Variants in UNC5D observed in about 807,000 individuals in gnomAD.
UNC5D encodes netrin receptor UNC5D.
A neutral mutation model predicts 105.4 loss-of-function variants in UNC5D; 39 were observed. The observed-to-expected ratio is 0.37, with a 90% CI of 0.29 to 0.48. UNC5D has a LOEUF of 0.48. UNC5D is among the 20% of genes least tolerant of loss of function. The probability of loss-of-function intolerance (pLI) is 0.98; values close to 1 mark genes in which losing one functional copy is unlikely to be tolerated. For missense variants in UNC5D, 991 were observed against 1,202.4 expected (o/e 0.82, Z 2.60); for synonymous variants, 452 against 450.4 (o/e 1.00, Z -0.04).
intron 1 of UNC5D, among the ~76,000 whole-genome samples, chr8:35,469,024 G>A (rs936777463): frequency 1.3e-5 from 2 of 152,138 alleles, no homozygotes; most frequent in Non-Finnish European, 2.9e-5. Context: ...GGTGGGAGTT[G>A]GAGAGGGTGG....
chr8:35,294,778 A>C (rs957283024), intron 1 of UNC5D, among the ~76,000 whole-genome samples: 1 of 151,438 alleles, frequency 6.6e-6, no homozygotes, highest in Admixed American at 6.6e-5. Context: ...TGGAGACCTC[A>C]ATCTACGGTA....
intron 1 of UNC5D, among the ~76,000 whole-genome samples, chr8:35,302,394 C>A (rs1397491555): frequency 6.6e-6 from 1 of 152,150 alleles, no homozygotes; most frequent in Non-Finnish European, 1.5e-5. Context: ...AACAAAATGA[C>A]CTTATCACCA....
At chr8:35,712,583 T>C (rs1747382132) in intron 8 of UNC5D, among the ~76,000 whole-genome samples, 1 of 152,190 alleles carries the variant, frequency 6.6e-6, no homozygotes, top group Admixed American at 6.5e-5. Flanking sequence ...TATGCTCTTC[T>C]CACTGAAGAA....
intron 7 of UNC5D, among the ~76,000 whole-genome samples, chr8:35,703,182 G>A (rs2131435121): frequency 6.6e-6 from 1 of 151,922 alleles, no homozygotes; most frequent in African/African-American, 2.4e-5. Flanking sequence ...AGCACAAATA[G>A]GCATTTTTTT....
At chr8:35,561,511 A>T (rs1417939520) in intron 2 of UNC5D, among the ~76,000 whole-genome samples, 1 of 151,404 alleles carries the variant, frequency 6.6e-6, no homozygotes, top group Non-Finnish European at 1.5e-5. Flanking sequence ...CTCTTAAAAT[A>T]CTTTATTGAA....
chr8:35,662,718 T>A (rs1314089991), intron 4 of UNC5D, among the ~76,000 whole-genome samples: 1 of 152,186 alleles, frequency 6.6e-6, no homozygotes, highest in African/African-American at 2.4e-5. Flanking sequence ...CACTCTGCAG[T>A]CACAAGTTTG....
At chr8:35,573,314 G>A (rs372336017) in intron 3 of UNC5D, among the ~76,000 whole-genome samples, 9 of 152,208 alleles carry the variant, frequency 5.9e-5, no homozygotes, top group African/African-American at 1.7e-4. Flanking sequence ...ATGTTGGTGC[G>A]TGCCTGTAGT....
At chr8:35,282,971 C>T (rs749187688) in intron 1 of UNC5D, among the ~76,000 whole-genome samples, 2 of 152,100 alleles carry the variant, frequency 1.3e-5, no homozygotes, top group South Asian at 2.1e-4. Context: ...AGACTTTCAG[C>T]CTTGACTAAC....
intron 1 of UNC5D, among the ~76,000 whole-genome samples, chr8:35,271,366 C>A (rs1040345128): frequency 2.6e-5 from 2 of 76,630 alleles, no homozygotes; most frequent in African/African-American, 6.0e-5. Flanking sequence ...TACACACGTG[C>A]ACGTGTGTAT....
At chr8:35,451,334 C>T (rs1487242828) in intron 1 of UNC5D, among the ~76,000 whole-genome samples, 1 of 152,138 alleles carries the variant, frequency 6.6e-6, no homozygotes, top group Admixed American at 6.6e-5. Context: ...TGAGCCACTG[C>T]ACCTGGCCCT....
chr8:35,341,942 A>G (rs1407289704), intron 1 of UNC5D, among the ~76,000 whole-genome samples: 1 of 152,172 alleles, frequency 6.6e-6, no homozygotes, highest in Non-Finnish European at 1.5e-5. Context: ...ATTTCACAGT[A>G]GTCTAAATGG....
rs549133326 is a variant in UNC5D, at chr8:35,499,219, C to G, written c.104-50073C>G. Among the ~76,000 whole-genome samples, 29 of 152,290 alleles carry G rather than the reference C, an allele frequency of 1.9e-4. No individual in the cohort carries two copies. In the South Asian group the frequency reaches 6.0e-3, roughly 32 times the overall value. ...AGATTCAGTTTTATTTTTTACTATCCTCCTGCCAGTTTGCAAGTCCATGCA... is the reference window on the plus strand; with the variant it reads ...AGATTCAGTTTTATTTTTTACTATCGTCCTGCCAGTTTGCAAGTCCATGCA... On this transcript the variant is annotated intron_variant, in intron 1 of 16. Coordinates refer to ENST00000404895, the MANE Select transcript of UNC5D (RefSeq NM_080872.4).
At chr8:35,654,624 T>G (rs575602992) in intron 4 of UNC5D, among the ~76,000 whole-genome samples, 4 of 151,638 alleles carry the variant, frequency 2.6e-5, no homozygotes, top group African/African-American at 4.8e-5. Context: ...AAGTTGTTGG[T>G]TTTTTTTTCT....
At chr8:35,654,062 G>A (rs1280841813) in intron 4 of UNC5D, among the ~76,000 whole-genome samples, 2 of 151,998 alleles carry the variant, frequency 1.3e-5, no homozygotes, top group Non-Finnish European at 2.9e-5. Context: ...TTTCTGCCAG[G>A]TACTTATGGA....
chr8:35,369,238 A>G (rs1407020557), intron 1 of UNC5D, among the ~76,000 whole-genome samples: 1 of 152,150 alleles, frequency 6.6e-6, no homozygotes, highest in Non-Finnish European at 1.5e-5. Flanking sequence ...TAAGATCAAG[A>G]ATCACATGGA....
chr8:35,568,206 C>T lies in UNC5D; in HGVS notation c.431C>T (p.Thr144Ile). 6.2e-7 allele frequency: 1 copy of T among 1,614,138 alleles called. No individual in the cohort carries two copies. The highest frequency in any genetic ancestry group is 8.5e-7 in the Non-Finnish European group (1 of 1,180,020). The change falls in exon 3 of 17, where the codon ACC becomes ATC. Residue 144 changes from threonine (T) to isoleucine (I), a missense_variant. Thr to Ile is a moderately conservative substitution (Grantham distance 89, BLOSUM62 -1). Around this residue, in one of 3 missense-constraint regions of UNC5D, gnomAD observed 944 missense variants for 1,131.6 expected, o/e 0.83. Transcript: ENST00000404895. Reference sequence around the variant, plus strand: ...TGTGTGGCGTGGAGCCACCTGGGTACCTCCAAGAGCAGGAAGGCCTCTGTG... The same window carrying T: ...TGTGTGGCGTGGAGCCACCTGGGTATCTCCAAGAGCAGGAAGGCCTCTGTG... Reference protein sequence around the residue: ...CQCVAWSHLGTSKSRKASVRI... With the variant: ...CQCVAWSHLGISKSRKASVRI...
chr8:35,741,387 A>C (rs1829752775), intron 11 of UNC5D, among the ~76,000 whole-genome samples: 1 of 151,796 alleles, frequency 6.6e-6, no homozygotes, highest in Admixed American at 6.6e-5. Flanking sequence ...CGTGTGGGTG[A>C]CCCAGATCTT....
intron 4 of UNC5D, among the ~76,000 whole-genome samples, chr8:35,610,148 C>T (rs953473912): frequency 4.0e-5 from 6 of 151,866 alleles, no homozygotes; most frequent in Non-Finnish European, 5.9e-5. Context: ...CTATGAGATG[C>T]TGAAAAGCTA....
At chr8:35,560,117 G>A (rs1816854427) in intron 2 of UNC5D, among the ~76,000 whole-genome samples, 1 of 152,198 alleles carries the variant, frequency 6.6e-6, no homozygotes, top group Non-Finnish European at 1.5e-5. Context: ...AAGGCTGATG[G>A]TTATAATTTG....
Sources: allele counts gnomAD v4.1 joint callset (sites outside exome capture counted in the v4.1 genomes callset), GRCh38; gene constraint gnomAD v4.1.1; regional missense constraint gnomAD v4.1.1; transcripts MANE v1.5; gene names NCBI Gene and HGNC (gene_info 2026-07-23, HGNC 2026-07-21).